Variants in OFD1 observed in about 807,000 individuals in gnomAD.
The protein encoded by OFD1 is centriole and centriolar satellite protein OFD1.
OFD1 carries 12 observed loss-of-function variants against 81.4 expected under a neutral mutation model. The ratio of observed to expected loss-of-function variants is 0.15; its 90% confidence interval spans 0.09 to 0.24. The LOEUF is 0.24. Among genes scored for constraint, OFD1 ranks in the 10% least tolerant of loss-of-function variants. The pLI, the probability that OFD1 is intolerant of heterozygous loss-of-function variation, is 1.00. For synonymous variants in OFD1, 256 were observed against 263.7 expected (o/e 0.97, Z 0.28); for missense variants, 685 against 733.9 (o/e 0.93, Z 0.77).
chrX:13,772,691 A>G (rs1047125965), downstream of OFD1: 1 of 357,344 alleles, frequency 2.8e-6, no homozygotes, highest in East Asian at 4.1e-5. Context: ...AACCTCCAAT[A>G]TTTGTTCTAA....
chrX:13,758,305 T>A (rs1368679615), intron 14 of OFD1, 32 bp from the exon 15 acceptor site: 2 of 973,824 alleles, frequency 2.1e-6, no homozygotes, highest in Non-Finnish European at 1.5e-6. Flanking sequence ...TTGTTTTACA[T>A]TGATTTCTTT....
In OFD1 at chrX:13,734,848, C is replaced by G; in HGVS notation, c.-224C>G. 1 of 1,085,037 alleles carries G rather than the reference C, an allele frequency of 9.2e-7. No homozygotes were observed. Among genetic ancestry groups the G allele is most frequent in the Non-Finnish European group, 1.2e-6 (1 of 840,936 alleles). The allele number at this position is 1,085,037 out of a possible 1,213,427, so 89.4% of individuals were successfully genotyped here. A position where few individuals can be genotyped will look rare whatever the true frequency, so the allele number is the denominator to read the frequency against. On this transcript the variant is annotated 5_prime_UTR_variant, in exon 1 of 23. Coordinates refer to ENST00000340096, the MANE Select transcript of OFD1 (RefSeq NM_003611.3). Reference sequence around the variant, plus strand: ...GTCGTGCCTGGGTCCTCGCCCTTGCCTCAGAACCGCGAAGAAAGGAAGCTC... The same window carrying G: ...GTCGTGCCTGGGTCCTCGCCCTTGCGTCAGAACCGCGAAGAAAGGAAGCTC...
chrX:13,761,872 C>T (rs1337753756), intron 17 of OFD1, among the ~76,000 whole-genome samples: 1 of 101,836 alleles, frequency 9.8e-6, no homozygotes, highest in Non-Finnish European at 2.0e-5. Flanking sequence ...TAATGTAGTT[C>T]TCTGCCACAT....
rs376119602 is a variant in OFD1 at position 13,762,337 on chromosome X, A to C, written c.2388-7A>C. 3.5e-6 allele frequency: 4 copies of C among 1,127,963 alleles called. No homozygotes were observed. In the African/African-American group the frequency reaches 7.2e-5, roughly 20 times the overall value. 93.0% of individuals were successfully genotyped at this position (1,127,963 alleles called of 1,213,427 possible). On this transcript the variant is annotated splice_region_variant and splice_polypyrimidine_tract_variant and intron_variant, in intron 17 of 22. Transcript: ENST00000340096. The stretch of plus-strand genomic sequence containing the variant: ...GAAACTTCACGAGTTTTATCCTTCC[A>C]ATCTAGTCTTTATCGAAGACAAACT...
chrX:13,735,626 C>T (rs1426319280), intron 2 of OFD1, among the ~76,000 whole-genome samples: 2 of 112,178 alleles, frequency 1.8e-5, no homozygotes, highest in Non-Finnish European at 1.9e-5. Flanking sequence ...ATAATGAACA[C>T]AGTAAGATTA....
At chrX:13,719,375 T>A in the OFD1 span, among the ~76,000 whole-genome samples, 1 of 111,090 alleles carries the variant, frequency 9.0e-6, no homozygotes, top group Non-Finnish European at 1.9e-5. Flanking sequence ...GCTTCCTGTG[T>A]ATGGCCAAGG....
downstream of OFD1, chrX:13,771,412 G>A (rs1196826327): frequency 1.8e-5 from 2 of 110,347 alleles, no homozygotes; most frequent in African/African-American, 6.6e-5. Context: ...ATCCCAAATA[G>A]GCATTTTTAG....
At chrX:13,735,464 A>G (rs1342578598) in intron 2 of OFD1, 118 bp downstream of exon 2, 5 of 563,661 alleles carry the variant, frequency 8.9e-6, no homozygotes, top group Admixed American at 2.5e-5. Context: ...GTATTGGTGA[A>G]TTACATTTTT....
At chrX:13,743,949 C>T (rs1355846534) in intron 5 of OFD1, among the ~76,000 whole-genome samples, 2 of 111,437 alleles carry the variant, frequency 1.8e-5, no homozygotes, top group African/African-American at 6.5e-5. Context: ...TCTCCTTATT[C>T]CTTCCAGGTT....
chrX:13,734,552 G>A (rs1474165604), upstream of OFD1: 2 of 387,308 alleles, frequency 5.2e-6, no homozygotes, highest in Non-Finnish European at 7.1e-6. Flanking sequence ...CAACGGAAAC[G>A]CAATGTCAGT....
chrX:13,752,371 T>C (rs2047536257), intron 10 of OFD1, among the ~76,000 whole-genome samples: 1 of 112,426 alleles, frequency 8.9e-6, no homozygotes, highest in African/African-American at 3.2e-5. Flanking sequence ...CACGAGGAAA[T>C]GATTCAACTC....
At chrX:13,719,989 A>G in the OFD1 span, 1 of 1,071,746 alleles carries the variant, frequency 9.3e-7, no homozygotes. Context: ...GCTCCTAATT[A>G]AGTGAAAAAT....
the OFD1 span, among the ~76,000 whole-genome samples, chrX:13,722,505 A>C: frequency 9.0e-6 from 1 of 111,650 alleles, no homozygotes; most frequent in East Asian, 2.8e-4. Flanking sequence ...ACAGCTGAAG[A>C]AGCAAGAAGG....
chrX:13,770,204 TAC>T (rs753169807), downstream of OFD1, among the ~76,000 whole-genome samples: 2 of 112,289 alleles, frequency 1.8e-5, no homozygotes, highest in African/African-American at 3.2e-5. Flanking sequence ...AACCATTATT[TAC>T]AGTTTTCCTC....
chrX:13,766,501 C>T (rs1236151766), intron 19 of OFD1, among the ~76,000 whole-genome samples: 1 of 110,811 alleles, frequency 9.0e-6, no homozygotes, highest in Non-Finnish European at 1.9e-5. Flanking sequence ...AATGTGGACG[C>T]GAGGCTAGGG....
At chrX:13,733,999 C>T (rs2046745598), upstream of OFD1, 5 of 513,436 alleles carry the variant, frequency 9.7e-6, no homozygotes, top group Non-Finnish European at 1.7e-5. Flanking sequence ...AGGTTTGGTT[C>T]CTTTCCTTTC....
the OFD1 span, among the ~76,000 whole-genome samples, chrX:13,715,210 C>T: frequency 5.4e-4 from 61 of 113,107 alleles, no homozygotes; most frequent in Admixed American, 4.2e-3. Flanking sequence ...TGGTGGCTCA[C>T]GCCTGTAATC....
At chrX:13,728,874 C>G in the OFD1 span, among the ~76,000 whole-genome samples, 1 of 112,121 alleles carries the variant, frequency 8.9e-6, no homozygotes, top group Admixed American at 9.4e-5. Context: ...TCCAAAATCT[C>G]CTTAAGCTGA....
At chrX:13,725,258 G>A in the OFD1 span, among the ~76,000 whole-genome samples, 1 of 113,003 alleles carries the variant, frequency 8.8e-6, no homozygotes, top group Non-Finnish European at 1.9e-5. Context: ...CTCCCCCAAC[G>A]TGGTGCTTGA....
Sources: allele counts gnomAD v4.1 joint callset (sites outside exome capture counted in the v4.1 genomes callset), GRCh38; gene constraint gnomAD v4.1.1; transcripts MANE v1.5; gene names NCBI Gene and HGNC (gene_info 2026-07-23, HGNC 2026-07-21).